The following TRPM7 variants were observed in gnomAD, a reference collection of about 807,000 sequenced individuals.
TRPM7 encodes the protein LTRPC ion channel family member 7.
Under a neutral mutation model 229.7 loss-of-function variants are expected in TRPM7, and 134 were observed. The observed-to-expected ratio is 0.58, with a 90% confidence interval of 0.51 to 0.67. The LOEUF is 0.67. Among genes scored for constraint, TRPM7 ranks in the 30% least tolerant of loss-of-function variants. The pLI is 0.00. For synonymous variants in TRPM7, 699 were observed against 715.2 expected (o/e 0.98, Z 0.36); for missense variants, 1,901 against 2,210.0 (o/e 0.86, Z 2.80).
intron 1 of TRPM7, among the ~76,000 whole-genome samples, chr15:50,679,538 A>ATATATATTTTTTTTTTT (rs1400383980): frequency 2.1e-4 from 9 of 43,892 alleles, no homozygotes; most frequent in African/African-American, 8.6e-4. Flanking sequence ...ATATATATAT[A>ATATATATTTTTTTTTTT]TTTTTTTTTT....
intron 5 of TRPM7, among the ~76,000 whole-genome samples, chr15:50,640,949 T>C (rs933673497): frequency 6.6e-6 from 1 of 152,282 alleles, no homozygotes; most frequent in Non-Finnish European, 1.5e-5. Flanking sequence ...TCGGAAACCA[T>C]GAGAAAATAA....
In TRPM7 at chr15:50,609,582, G is replaced by GT; in HGVS notation, c.2578dup (p.Thr860AsnfsTer40). On this transcript the variant is annotated frameshift_variant and splice_region_variant, in exon 19 of 39. Coordinates refer to ENST00000646667, the MANE Select transcript of TRPM7 (RefSeq NM_017672.6). LOFTEE classifies it high-confidence loss of function. The stretch of plus-strand genomic sequence containing the variant: ...TGCTTGTGTAATTTAAAAACATACC[G>GT]TGTTAAACCAGAATTTTACAATTGG... 4.4e-6 allele frequency: 7 copies of GT among 1,601,110 alleles called. No individual in the cohort carries two copies. Among genetic ancestry groups the GT allele is most frequent in the Non-Finnish European group, 6.0e-6 (7 of 1,176,360 alleles).
chr15:50,607,214 C>A lies in TRPM7; in HGVS notation c.2695G>T (p.Glu899Ter). The part of the protein sequence containing the change: ...VIAYIFTYAI[E>*]KVREIFMSEA... ...TAAAGACATACCTCACGGACTTTCT[C>A]AATGGCATAAGTAAAAATATAAGCA... Residue 899 changes from glutamate to a stop codon, truncating the protein, a stop_gained, in exon 20 of 39, where the codon GAG becomes TAG. Coordinates refer to ENST00000646667, the MANE Select transcript of TRPM7 (RefSeq NM_017672.6). LOFTEE classifies it high-confidence loss of function. 6.2e-7 allele frequency: 1 copy of A among 1,609,348 alleles called. No homozygotes were observed. Among genetic ancestry groups the A allele is most frequent in the South Asian group, 1.1e-5 (1 of 89,578 alleles).
At chr15:50,633,447 T>A (rs1172276079) in intron 8 of TRPM7, among the ~76,000 whole-genome samples, 1 of 152,198 alleles carries the variant, frequency 6.6e-6, no homozygotes, top group African/African-American at 2.4e-5. Context: ...TCCCGCTCTC[T>A]TTCATCTGCC....
rs567158880 is a variant in TRPM7 at position 50,598,426 on chromosome 15, C to T, written c.3163+696G>A. Among the ~76,000 whole-genome samples, 7 of 152,312 alleles carry T rather than the reference C, an allele frequency of 4.6e-5. No homozygotes were observed. The South Asian group carries it at 6.2e-4, about 14-fold the overall frequency. On this transcript the variant is annotated intron_variant, in intron 22 of 38. Transcript: ENST00000646667. ...CGTCATTGATTATCCAGAGAATGTA[C>T]TCACAAGCTGCAACAAAAATCTTGA... is the stretch of plus-strand genomic sequence containing the variant.
chr15:50,614,908 G>A (rs968910612), intron 13 of TRPM7, among the ~76,000 whole-genome samples: 1 of 151,966 alleles, frequency 6.6e-6, no homozygotes, highest in African/African-American at 2.4e-5. Context: ...TGTGGCTCAG[G>A]CCTGTAATCC....
At chr15:50,593,282 T>C (rs957948183) in intron 25 of TRPM7, among the ~76,000 whole-genome samples, 15 of 151,792 alleles carry the variant, frequency 9.9e-5, no homozygotes, top group African/African-American at 3.6e-4. Flanking sequence ...GAGGAGACTC[T>C]GTCTCAAAAA....
chr15:50,686,697 A>G lies in TRPM7; in HGVS notation c.-164T>C, dbSNP rs528878770. 1.1e-6 allele frequency: 1 copy of G among 884,206 alleles called. No homozygotes were observed. 54.8% of individuals were successfully genotyped at this position (884,206 alleles called of 1,614,324 possible). A position where few individuals can be genotyped will look rare whatever the true frequency, so the allele number is the denominator to read the frequency against. ...GAACTAACTCAGCTCCGGCGCTAGC[A>G]GCAGAAGCCGAGTCTTTCATAATTG... On this transcript the variant is annotated 5_prime_UTR_variant, in exon 1 of 39. Transcript: ENST00000646667.
At chr15:50,595,670 G>A (rs56080199) in intron 23 of TRPM7, among the ~76,000 whole-genome samples, 2,829 of 151,978 alleles carry the variant, frequency 0.019, 93 homozygotes, top group African/African-American at 0.066. Flanking sequence ...AGTCCAGCCC[G>A]GCCAACATGG....
intron 4 of TRPM7, among the ~76,000 whole-genome samples, chr15:50,645,860 T>C (rs1443232599): frequency 1.3e-5 from 2 of 152,042 alleles, no homozygotes; most frequent in Non-Finnish European, 2.9e-5. Flanking sequence ...CCTGCTTGAA[T>C]ACATTAGCAG....
At position 50,599,164 on chromosome 15, in the gene TRPM7, A is replaced by G. The variant is rs760604773; in HGVS notation, c.3121T>C (p.Tyr1041His). The change falls in exon 22 of 39, where the codon TAC (tyrosine) becomes CAC (histidine). Residue 1041 changes from tyrosine to histidine, a missense_variant. Tyr to His is a moderately conservative substitution (Grantham distance 83). This residue lies in a region of TRPM7 where 89 missense variants were observed against 178.2 expected (regional missense o/e 0.50). Coordinates refer to ENST00000646667, the MANE Select transcript of TRPM7 (RefSeq NM_017672.6). ...TAAACTTCACCAAAAATCATCCAGT[A>G]TGGGTGAAAAACTATATCTTTAGCA... Reference protein sequence around the residue: ...TLAKDIVFHPYWMIFGEVYAY... With the variant: ...TLAKDIVFHPHWMIFGEVYAY... The G allele has an allele frequency of 6.2e-7, 1 of 1,612,464 alleles. No homozygotes were observed. The highest frequency in any genetic ancestry group is 1.3e-5 in the African/African-American group (1 of 74,880).
intron 31 of TRPM7, among the ~76,000 whole-genome samples, chr15:50,576,918 G>T (rs564485887): frequency 1.3e-5 from 2 of 152,252 alleles, no homozygotes; most frequent in African/African-American, 4.8e-5. Flanking sequence ...GACCAGCCTG[G>T]ATAACATGGC....
At chr15:50,666,696 G>C (rs2061891359) in intron 1 of TRPM7, among the ~76,000 whole-genome samples, 1 of 151,968 alleles carries the variant, frequency 6.6e-6, no homozygotes, top group Non-Finnish European at 1.5e-5. Flanking sequence ...CAGCTACTTG[G>C]AAGGCTGAGG....
At chr15:50,589,723 C>A in intron 26 of TRPM7, 67 bp from the exon 27 acceptor site, 1 of 1,045,052 alleles carries the variant, frequency 9.6e-7, no homozygotes, top group Non-Finnish European at 1.4e-6. Flanking sequence ...AATGGCACTG[C>A]TTAAAGTTTA....
intron 9 of TRPM7, 89 bp from the exon 10 acceptor site, chr15:50,631,578 G>A (rs191399807): frequency 2.8e-6 from 2 of 720,970 alleles, no homozygotes; most frequent in East Asian, 5.4e-5. Flanking sequence ...TATATGGGGG[G>A]CAAAATATAT....
rs1324075731 is a variant in TRPM7, at chr15:50,583,117, T to G, written c.4529A>C (p.Glu1510Ala). ...TATTAAAGCTGCTTTGGAATCTACT[T>G]CATGAGTGTCTTCGGTAGATGGCCT... is the stretch of plus-strand genomic sequence containing the variant. ...SRRPSTEDTH[E>A]VDSKAALIPD... The change falls in exon 29 of 39, where the codon GAA (glutamate) becomes GCA (alanine). Residue 1510 changes from glutamate (E) to alanine (A), a missense_variant. Physicochemically the swap from Glu to Ala is moderately radical, Grantham distance 107. This residue lies in a region of TRPM7 where 533 missense variants were observed against 497.1 expected (regional missense o/e 1.07). Coordinates refer to ENST00000646667, the MANE Select transcript of TRPM7 (RefSeq NM_017672.6). 3.1e-6 allele frequency: 5 copies of G among 1,608,348 alleles called. No homozygotes were observed. Among genetic ancestry groups the G allele is most frequent in the Non-Finnish European group, 4.2e-6 (5 of 1,178,096 alleles).
intron 33 of TRPM7, among the ~76,000 whole-genome samples, 191 bp from the exon 34 acceptor site, chr15:50,575,326 T>A (rs1192497852): frequency 1.3e-5 from 2 of 152,222 alleles, no homozygotes; most frequent in East Asian, 3.8e-4. Flanking sequence ...TTTGAATTCA[T>A]GTGTAATGTT....
intron 2 of TRPM7, among the ~76,000 whole-genome samples, chr15:50,659,550 G>C (rs2061675146): frequency 6.6e-6 from 1 of 152,132 alleles, no homozygotes; most frequent in Non-Finnish European, 1.5e-5. Flanking sequence ...AATGGTTAAA[G>C]GTGGGGATAC....
chr15:50,614,029 T>TA lies in TRPM7; in HGVS notation c.1635+93dup. ...GAAAATGTTCAACTTTATGACAGTG[T>TA]AACCTTCTCCGTTCTAATGTTAATT... is the stretch of plus-strand genomic sequence containing the variant. On this transcript the variant is annotated intron_variant, in intron 14 of 38. Coordinates refer to ENST00000646667, the MANE Select transcript of TRPM7 (RefSeq NM_017672.6). 4 of 1,381,656 alleles carry TA rather than the reference T, an allele frequency of 2.9e-6. No individual in the cohort carries two copies. The South Asian group carries it at 5.6e-5, about 19-fold the overall frequency. The allele number at this position is 1,381,656 out of a possible 1,614,324, so 85.6% of individuals were successfully genotyped here. A position where few individuals can be genotyped will look rare whatever the true frequency, so the allele number is the denominator to read the frequency against.
Sources: gnomAD v4.1 joint callset for allele counts (sites outside exome capture counted in the v4.1 genomes callset) on GRCh38, gnomAD v4.1.1 for gene constraint, gnomAD v4.1.1 regional missense constraint, MANE v1.5 for transcripts, NCBI Gene and HGNC (gene_info 2026-07-23, HGNC 2026-07-21) for gene names.